Variants in MYH14 observed in about 807,000 individuals in gnomAD.
MYH14 encodes myosin heavy chain 14.
A neutral mutation model predicts 255.5 loss-of-function variants in MYH14; 123 were observed. That is an observed-to-expected ratio of 0.48 (90% confidence interval 0.42 to 0.56). MYH14 has a LOEUF of 0.56. Among genes scored for constraint, MYH14 ranks in the 20% least tolerant of loss-of-function variants. MYH14 has a pLI of 0.00. For synonymous variants in MYH14, 1,095 were observed against 1,161.2 expected (o/e 0.94, Z 1.16); for missense variants, 2,423 against 2,802.3 (o/e 0.86, Z 3.06).
intron 24 of MYH14, among the ~76,000 whole-genome samples, chr19:50,269,746 A>G (rs1195542191): frequency 2.0e-5 from 3 of 152,112 alleles, no homozygotes; most frequent in Admixed American, 6.5e-5. Flanking sequence ...CAGTAATTCC[A>G]TGGGCTGGCA....
Position 50,310,035 on chromosome 19 carries a change from C to T in MYH14, c.*245C>T. The T allele has an allele frequency of 1.6e-6, 1 of 608,988 alleles. No individual in the cohort carries two copies. The allele number at this position is 608,988 out of a possible 1,614,324, so 37.7% of individuals were successfully genotyped here. A position where few individuals can be genotyped will look rare whatever the true frequency, so the allele number is the denominator to read the frequency against. On this transcript the variant is annotated 3_prime_UTR_variant, in exon 43 of 43. Transcript: ENST00000642316. ...TGGAGCTACCTTGCTTGTTGGGGGA[C>T]TGGGTACAGTTGGCAAGCTGTGTTT...
chr19:50,290,171 C>T (rs1042369715), intron 35 of MYH14, among the ~76,000 whole-genome samples: 4 of 151,624 alleles, frequency 2.6e-5, no homozygotes, highest in Admixed American at 1.3e-4. Flanking sequence ...CCCAACCCCT[C>T]CCCTATTTAC....
intron 21 of MYH14, among the ~76,000 whole-genome samples, chr19:50,261,998 G>T (rs2034899475): frequency 6.6e-6 from 1 of 152,190 alleles, no homozygotes; most frequent in African/African-American, 2.4e-5. Flanking sequence ...CCCTCGAGGG[G>T]CTCCAGTCTG....
In MYH14 at chr19:50,310,258, C is replaced by CT. The variant is rs2036816206; in HGVS notation, c.*473dup. ...CCTCTCTGAGGGTCTCTCTGTGCAT[C>CT]TTTTTAGGAATCTCGCTCTCACTCT... On this transcript the variant is annotated 3_prime_UTR_variant, in exon 43 of 43. Transcript: ENST00000642316. The CT allele has an allele frequency of 4.9e-6, 1 of 204,936 alleles. No individual in the cohort carries two copies. The highest frequency in any genetic ancestry group is 9.7e-6 in the Non-Finnish European group (1 of 102,750). The allele number at this position is 204,936 out of a possible 1,614,324, so 12.7% of individuals were successfully genotyped here.
At chr19:50,205,783 G>A (rs2031709590) in intron 1 of MYH14, among the ~76,000 whole-genome samples, 1 of 152,214 alleles carries the variant, frequency 6.6e-6, no homozygotes, top group Non-Finnish European at 1.5e-5. Context: ...GGGGCTGCAA[G>A]CCCGGATTCT....
In MYH14 at chr19:50,286,512, C is replaced by T. The variant is rs1212286161; in HGVS notation, c.4570C>T (p.Arg1524Trp). 18 of 1,613,380 alleles carry T rather than the reference C, an allele frequency of 1.1e-5. No homozygotes were observed. The highest frequency in any genetic ancestry group is 2.2e-5 in the South Asian group (2 of 90,916). ...GGCAGAGGAGAAGGCAGCTGTACTT[C>T]GGGCAGTGGAGGAACGTGAGCGGGC... ...LLAEEKAAVL[R>W]AVEERERAEA... The change falls in exon 34 of 43, where the codon CGG (arginine) becomes TGG (tryptophan). Residue 1524 changes from arginine (R) to tryptophan (W), a missense_variant. By Grantham distance (101) the Arg-to-Trp change is moderately radical. Transcript: ENST00000642316.
intron 21 of MYH14, among the ~76,000 whole-genome samples, chr19:50,262,018 C>A (rs1309131394): frequency 6.6e-6 from 1 of 152,170 alleles, no homozygotes. Flanking sequence ...GGAGGTGAGA[C>A]TTCCATGGGC....
At chr19:50,222,386 AG>A (rs2032874429) in intron 3 of MYH14, among the ~76,000 whole-genome samples, 1 of 149,384 alleles carries the variant, frequency 6.7e-6, no homozygotes, top group Admixed American at 6.8e-5. Flanking sequence ...AGGTTGAGGC[AG>A]GAGAATGGCG....
At chr19:50,295,292 TCCAGC>T (rs1198524016) in intron 39 of MYH14, among the ~76,000 whole-genome samples, 1 of 151,472 alleles carries the variant, frequency 6.6e-6, no homozygotes, top group African/African-American at 2.4e-5. Context: ...ACCACTGCAC[TCCAGC>T]CTGGGCGACA....
intron 3 of MYH14, 128 bp downstream of exon 3, chr19:50,217,899 G>A: frequency 8.7e-7 from 1 of 1,151,730 alleles, no homozygotes; most frequent in Non-Finnish European, 1.2e-6. Flanking sequence ...GCTTCTTAGG[G>A]GGCTGGAGGG....
At chr19:50,302,581 T>TAAAA (rs369994273) in intron 40 of MYH14, among the ~76,000 whole-genome samples, 11 of 134,870 alleles carry the variant, frequency 8.2e-5, no homozygotes, top group African/African-American at 2.8e-4. Flanking sequence ...AGACTCCATT[T>TAAAA]AAAAAAAAAA....
intron 39 of MYH14, 35 bp from the exon 40 acceptor site, chr19:50,301,626 C>G: frequency 6.4e-7 from 1 of 1,572,292 alleles, no homozygotes; most frequent in Non-Finnish European, 8.7e-7. Flanking sequence ...CTCTGAGACT[C>G]CACCATGACA....
chr19:50,219,475 A>T (rs2032694937), intron 3 of MYH14, among the ~76,000 whole-genome samples: 1 of 152,172 alleles, frequency 6.6e-6, no homozygotes. Context: ...TATTGAAAAC[A>T]GTATGGAGAT....
At chr19:50,308,646 A>C (rs372438544) in intron 41 of MYH14, 2 of 245,986 alleles carry the variant, frequency 8.1e-6, no homozygotes, top group Admixed American at 5.0e-5. Context: ...GGGAAGAGAG[A>C]ACTGGACAAG....
intron 33 of MYH14, 85 bp downstream of exon 33, chr19:50,281,927 G>T: frequency 6.9e-7 from 1 of 1,440,518 alleles, no homozygotes. Context: ...AGTAATCCGT[G>T]CTGTCACGGC....
rs140157424 is a variant in MYH14, at chr19:50,289,586, G to A, written c.4903G>A (p.Glu1635Lys). The A allele has an allele frequency of 6.4e-5, 104 of 1,612,966 alleles. No homozygotes were observed. The East Asian group carries it at 2.2e-3, about 34-fold the overall frequency. The change falls in exon 35 of 43, where the codon GAG becomes AAG. Residue 1635 changes from glutamate (E) to lysine (K), a missense_variant. Physicochemically the swap from Glu to Lys is moderately conservative, Grantham distance 56 (BLOSUM62 1). Around this residue, in one of 3 missense-constraint regions of MYH14, gnomAD observed 1,513 missense variants for 1,674.8 expected, o/e 0.90. Transcript: ENST00000642316. ...TGTGCAGGCTCTCAAGACTCAGCAT[G>A]AGCGTGACCTGCAGGGCCGTGATGA... ...VTVQALKTQH[E>K]RDLQGRDEAG...
rs142432378 is a variant in MYH14, at chr19:50,247,460, C to A, written c.1329+338C>A. Among the ~76,000 whole-genome samples the A allele has an allele frequency of 7.1e-3, 1,084 of 151,816 alleles. 6 individuals carry two copies. The highest frequency in any genetic ancestry group is 0.012 in the Non-Finnish European group (837 of 67,950). ...TTGAGGCTGCAGCGAGCTGTAATTG[C>A]GCCACTGCACTCCAGCCTGGGTGAC... On this transcript the variant is annotated intron_variant, in intron 12 of 42. Transcript: ENST00000642316.
intron 34 of MYH14, among the ~76,000 whole-genome samples, chr19:50,287,234 G>C (rs2035922292): frequency 6.6e-6 from 1 of 152,226 alleles, no homozygotes; most frequent in African/African-American, 2.4e-5. Context: ...TAGAAAGTAA[G>C]GAGAGCCATT....
chr19:50,216,060 C>T (rs1338214937), intron 2 of MYH14, among the ~76,000 whole-genome samples: 2 of 152,200 alleles, frequency 1.3e-5, no homozygotes, highest in African/African-American at 4.8e-5. Flanking sequence ...CTAGTTAGCT[C>T]TCTGGCTGGT....
Sources: allele counts gnomAD v4.1 joint callset (sites outside exome capture counted in the v4.1 genomes callset), GRCh38; gene constraint gnomAD v4.1.1; regional missense constraint gnomAD v4.1.1; transcripts MANE v1.5; gene names NCBI Gene and HGNC (gene_info 2026-07-23, HGNC 2026-07-21).